The following IFI44L variants were observed in gnomAD, a reference collection of about 807,000 sequenced individuals.
IFI44L encodes the protein interferon-induced protein 44-like.
A neutral mutation model predicts 39.3 loss-of-function variants in IFI44L; 40 were observed. That is an observed-to-expected ratio of 1.02 (90% CI 0.79 to 1.33). The LOEUF is 1.33. IFI44L is among the 40% of genes most tolerant of loss of function. The pLI is 0.00. For missense variants in IFI44L, 623 were observed against 549.0 expected (o/e 1.13, Z -1.35); for synonymous variants, 198 against 182.3 (o/e 1.09, Z -0.69).
chr1:78,641,315 T>C, intron 7 of IFI44L, 120 bp from the exon 8 acceptor site: 1 of 961,424 alleles, frequency 1.0e-6, no homozygotes, highest in Non-Finnish European at 1.5e-6. Context: ...TTATTGTATG[T>C]TCCGAAGATA....
Position 78,641,896 on chromosome 1 carries a change from A to G in IFI44L, c.*87A>G. The G allele has an allele frequency of 6.8e-7, 1 of 1,479,856 alleles. No individual in the cohort carries two copies. Among genetic ancestry groups the G allele is most frequent in the South Asian group, 1.1e-5 (1 of 88,308 alleles). 91.7% of individuals were successfully genotyped at this position (1,479,856 alleles called of 1,614,324 possible). On this transcript the variant is annotated 3_prime_UTR_variant, in exon 9 of 9. Coordinates refer to ENST00000370751, the MANE Select transcript of IFI44L (RefSeq NM_006820.4). ...AATCTCTATTGACAGCCTGCTTCAG[A>G]TTTTGCTTTTGTTCGTTTTGCCTTC...
rs1463409402 is a variant in IFI44L at position 78,644,204 on chromosome 1, G to A, written c.*2395G>A. 1 of 152,060 alleles carries A rather than the reference G, an allele frequency of 6.6e-6. No individual in the cohort carries two copies. The highest frequency in any genetic ancestry group is 1.5e-5 in the Non-Finnish European group (1 of 68,020). The allele number at this position is 152,060 out of a possible 1,614,324, so 9.4% of individuals were successfully genotyped here. A position where few individuals can be genotyped will look rare whatever the true frequency, so the allele number is the denominator to read the frequency against. On this transcript the variant is annotated 3_prime_UTR_variant, in exon 9 of 9. Coordinates refer to ENST00000370751, the MANE Select transcript of IFI44L (RefSeq NM_006820.4). ...CTTTGGTGGAGCCTGAAAAAAATCT[G>A]GGCAGAATGTAGGACTTCTTTATTT...
At chr1:78,631,168 A>G (rs1255726200) in intron 4 of IFI44L, among the ~76,000 whole-genome samples, 3 of 152,156 alleles carry the variant, frequency 2.0e-5, no homozygotes, top group African/African-American at 7.2e-5. Context: ...AATATAGGGC[A>G]GACTTTTATG....
rs535069212 is a variant in IFI44L at position 78,640,835 on chromosome 1, G to GA, written c.1049-178dup. 4.0e-5 allele frequency among the ~76,000 whole-genome samples: 6 copies of GA among 151,656 alleles called. No individual in the cohort carries two copies. The South Asian group carries it at 1.2e-3, about 32-fold the overall frequency. On this transcript the variant is annotated intron_variant, in intron 6 of 8. Transcript: ENST00000370751. ...CATTGAAAAATGCTGTCACATGTTGGAAAAAAAAGATCAAAGATCATTTCT... is the reference window on the plus strand; with the variant it reads ...CATTGAAAAATGCTGTCACATGTTGGAAAAAAAAAGATCAAAGATCATTTCT...
chr1:78,638,611 T>G (rs1427753582), intron 6 of IFI44L, among the ~76,000 whole-genome samples: 1 of 152,158 alleles, frequency 6.6e-6, no homozygotes, highest in Non-Finnish European at 1.5e-5. Flanking sequence ...GCATAGCTAT[T>G]GTTTTTCCTA....
At chr1:78,637,845 GT>G (rs1237865328) in intron 6 of IFI44L, among the ~76,000 whole-genome samples, 2 of 152,056 alleles carry the variant, frequency 1.3e-5, no homozygotes, top group Non-Finnish European at 2.9e-5. Flanking sequence ...ATATACCACA[GT>G]TTAACCATGC....
intron 1 of IFI44L, among the ~76,000 whole-genome samples, chr1:78,623,418 TTTTTTTTTA>T (rs1557681393): frequency 1.5e-5 from 2 of 137,508 alleles, no homozygotes; most frequent in East Asian, 2.3e-4. Context: ...TTTTTTTTTT[TTTTTTTTTA>T]AATCATGGAA....
At chr1:78,635,656 T>A (rs931245548) in intron 5 of IFI44L, 167 bp downstream of exon 5, 1 of 626,658 alleles carries the variant, frequency 1.6e-6, no homozygotes, top group Non-Finnish European at 2.7e-6. Context: ...GTAGAGTGAC[T>A]ATTGTTCTTT....
rs2100412331 is a variant in IFI44L, at chr1:78,645,433, T to C, written c.*3624T>C. 1 of 152,304 alleles carries C rather than the reference T, an allele frequency of 6.6e-6. No homozygotes were observed. Among genetic ancestry groups the C allele is most frequent in the Admixed American group, 6.5e-5 (1 of 15,292 alleles). 9.4% of individuals were successfully genotyped at this position (152,304 alleles called of 1,614,324 possible). ...GGGTAATGTGTAAACTTGTGTCTTG[T>C]TTAGAAAGATAAATTTAAAGACTAT... On this transcript the variant is annotated 3_prime_UTR_variant, in exon 9 of 9. Coordinates refer to ENST00000370751, the MANE Select transcript of IFI44L (RefSeq NM_006820.4).
At chr1:78,625,606 A>G (rs1459748926) in intron 1 of IFI44L, 2 of 151,682 alleles carry the variant, frequency 1.3e-5, no homozygotes, top group Non-Finnish European at 2.9e-5. Context: ...AATCTTCTCT[A>G]TTGTATACTT....
intron 4 of IFI44L, among the ~76,000 whole-genome samples, chr1:78,634,360 T>C (rs1652861793): frequency 6.6e-6 from 1 of 152,120 alleles, no homozygotes; most frequent in South Asian, 2.1e-4. Flanking sequence ...AAAGTTTTAA[T>C]ATGACTAGCA....
intron 4 of IFI44L, among the ~76,000 whole-genome samples, chr1:78,632,636 T>C (rs1030726659): frequency 5.9e-5 from 9 of 152,180 alleles, no homozygotes; most frequent in Admixed American, 1.3e-4. Flanking sequence ...CTATATTACA[T>C]TGAGGAATAT....
At chr1:78,640,797 G>T (rs1209261981) in intron 6 of IFI44L, among the ~76,000 whole-genome samples, 2 of 152,128 alleles carry the variant, frequency 1.3e-5, no homozygotes, top group East Asian at 3.9e-4. Flanking sequence ...GCAATTTAGT[G>T]TGGATTTAGT....
Position 78,642,316 on chromosome 1 carries a change from C to G in IFI44L, c.*507C>G, listed in dbSNP as rs145168832. On this transcript the variant is annotated 3_prime_UTR_variant, in exon 9 of 9. Coordinates refer to ENST00000370751, the MANE Select transcript of IFI44L (RefSeq NM_006820.4). ...CCCACTCTCTCCAACATCACATTCA[C>G]TTTAAATTTTTCTGTATATAGAAAG... is the stretch of plus-strand genomic sequence containing the variant. The G allele has an allele frequency of 1.4e-5, 2 of 145,238 alleles. No individual in the cohort carries two copies. Among genetic ancestry groups the G allele is most frequent in the East Asian group, 4.1e-4 (2 of 4,866 alleles). 9.0% of individuals were successfully genotyped at this position (145,238 alleles called of 1,614,324 possible).
At chr1:78,628,920 A>G (rs760067635) in intron 2 of IFI44L, 31 bp from the exon 3 acceptor site, 13 of 1,409,912 alleles carry the variant, frequency 9.2e-6, no homozygotes, top group Non-Finnish European at 1.3e-5. Context: ...CAAGTTTTAA[A>G]AATGTATTAT....
intron 1 of IFI44L, among the ~76,000 whole-genome samples, chr1:78,621,164 A>C (rs939209356): frequency 6.6e-6 from 1 of 152,234 alleles, no homozygotes; most frequent in Non-Finnish European, 1.5e-5. Context: ...AATCTGATAT[A>C]GTTTTATCCA....
At chr1:78,638,337 A>G (rs917834529) in intron 6 of IFI44L, among the ~76,000 whole-genome samples, 1 of 152,094 alleles carries the variant, frequency 6.6e-6, no homozygotes, top group Non-Finnish European at 1.5e-5. Flanking sequence ...CCTAAATATG[A>G]GTCAATTGTC....
chr1:78,637,086 T>C lies in IFI44L; in HGVS notation c.931T>C (p.Ser311Pro). The C allele has an allele frequency of 6.2e-7, 1 of 1,612,102 alleles. No homozygotes were observed. The highest frequency in any genetic ancestry group is 8.5e-7 in the Non-Finnish European group (1 of 1,178,382). Residue 311 changes from serine (S) to proline (P), a missense_variant, in exon 6 of 9, where the codon TCT becomes CCT. By Grantham distance (74) the Ser-to-Pro change is moderately conservative. Transcript: ENST00000370751. ...GCATTCTACTTTTATCACCTCTCCATCTCTGAAGGACAGGATTCACTGTGT... is the reference window on the plus strand; with the variant it reads ...GCATTCTACTTTTATCACCTCTCCACCTCTGAAGGACAGGATTCACTGTGT... The part of the protein sequence containing the change: ...PEHSTFITSP[S>P]LKDRIHCVAY...
At chr1:78,639,549 T>TA (rs1245834483) in intron 6 of IFI44L, among the ~76,000 whole-genome samples, 4 of 152,216 alleles carry the variant, frequency 2.6e-5, no homozygotes, top group African/African-American at 2.4e-5. Context: ...ACATATGAAG[T>TA]AAAAAGAAAA....
Sources: gnomAD v4.1 joint callset for allele counts (sites outside exome capture counted in the v4.1 genomes callset) on GRCh38, gnomAD v4.1.1 for gene constraint, MANE v1.5 for transcripts, NCBI Gene and HGNC (gene_info 2026-07-23, HGNC 2026-07-21) for gene names.